NKAIN2: variants seen among roughly 807,000 people sequenced by gnomAD.
NKAIN2 encodes sodium/potassium transporting ATPase interacting 2.
In NKAIN2, 14 loss-of-function variants were observed where a neutral mutation model predicts 32.6. The ratio of observed to expected loss-of-function variants is 0.43; its 90% CI spans 0.28 to 0.67. NKAIN2 has a LOEUF of 0.67. Ranked by LOEUF, NKAIN2 falls within the 30% of genes least tolerant of loss-of-function variation. NKAIN2 has a pLI of 0.17. For missense variants in NKAIN2, 198 were observed against 258.3 expected (o/e 0.77, Z 1.60); for synonymous variants, 80 against 87.2 (o/e 0.92, Z 0.46).
intron 1 of NKAIN2, among the ~76,000 whole-genome samples, chr6:124,029,572 T>C (rs540585713): frequency 1.2e-3 from 188 of 152,246 alleles, no homozygotes; most frequent in African/African-American, 4.5e-3. Context: ...GTTTATTACT[T>C]TTAAGCCTAA....
intron 1 of NKAIN2, among the ~76,000 whole-genome samples, chr6:123,972,914 A>G (rs748971752): frequency 6.6e-6 from 1 of 152,094 alleles, no homozygotes; most frequent in Non-Finnish European, 1.5e-5. Flanking sequence ...TGCCTGATAC[A>G]TAGTAAAAAC....
At chr6:124,618,920 T>C (rs1055574843) in intron 3 of NKAIN2, among the ~76,000 whole-genome samples, 8 of 152,172 alleles carry the variant, frequency 5.3e-5, no homozygotes, top group Non-Finnish European at 1.0e-4. Flanking sequence ...ATTAACATGA[T>C]AATCCTCTTC....
intron 1 of NKAIN2, among the ~76,000 whole-genome samples, chr6:124,168,318 C>T (rs2114487309): frequency 6.6e-6 from 1 of 152,030 alleles, no homozygotes; most frequent in Non-Finnish European, 1.5e-5. Flanking sequence ...TTTAAGTTTC[C>T]AAAAATGATT....
At chr6:124,693,599 G>C (rs553382072) in intron 4 of NKAIN2, among the ~76,000 whole-genome samples, 1 of 152,316 alleles carries the variant, frequency 6.6e-6, no homozygotes, top group African/African-American at 2.4e-5. Flanking sequence ...TGGAAGATGA[G>C]AGAAGGCAAG....
At chr6:124,570,809 G>T (rs552135470) in intron 3 of NKAIN2, among the ~76,000 whole-genome samples, 2 of 152,276 alleles carry the variant, frequency 1.3e-5, no homozygotes, top group East Asian at 3.9e-4. Context: ...GGAACTGTGA[G>T]AAGAGGGCCA....
At chr6:124,440,066 C>T (rs563141172) in intron 3 of NKAIN2, among the ~76,000 whole-genome samples, 30 of 152,056 alleles carry the variant, frequency 2.0e-4, no homozygotes, top group Non-Finnish European at 4.0e-4. Context: ...TTGAATTGGA[C>T]AAGAAGTCTA....
chr6:124,489,543 A>C (rs1020298119), intron 3 of NKAIN2, among the ~76,000 whole-genome samples: 2 of 151,830 alleles, frequency 1.3e-5, no homozygotes, highest in Non-Finnish European at 2.9e-5. Flanking sequence ...TGCTCAAAAC[A>C]CTTATATCAG....
At chr6:124,590,966 T>C (rs1473730576) in intron 3 of NKAIN2, among the ~76,000 whole-genome samples, 2 of 152,196 alleles carry the variant, frequency 1.3e-5, no homozygotes, top group East Asian at 1.9e-4. Flanking sequence ...TTCTCCCTTC[T>C]ATGAGAGAGA....
chr6:124,501,592 T>C (rs1340592856), intron 3 of NKAIN2, among the ~76,000 whole-genome samples: 1 of 152,202 alleles, frequency 6.6e-6, no homozygotes, highest in Non-Finnish European at 1.5e-5. Flanking sequence ...TTTTCTACAC[T>C]GCAGTTAGAG....
intron 3 of NKAIN2, among the ~76,000 whole-genome samples, chr6:124,364,433 A>G (rs1198295765): frequency 6.6e-6 from 1 of 152,046 alleles, no homozygotes; most frequent in Non-Finnish European, 1.5e-5. Context: ...TCATATTTCA[A>G]GTGTAATCGA....
intron 1 of NKAIN2, among the ~76,000 whole-genome samples, chr6:124,124,615 A>T (rs1356307109): frequency 6.6e-6 from 1 of 152,200 alleles, no homozygotes; most frequent in African/African-American, 2.4e-5. Context: ...TACATATAGG[A>T]TCATTTCTCA....
chr6:124,209,459 A>G (rs951705299), intron 1 of NKAIN2, among the ~76,000 whole-genome samples: 1 of 151,856 alleles, frequency 6.6e-6, no homozygotes, highest in Non-Finnish European at 1.5e-5. Flanking sequence ...TCTTTGGGAT[A>G]TATACTCAGC....
chr6:124,821,866 G>A (rs117221193), intron 6 of NKAIN2, among the ~76,000 whole-genome samples: 2,663 of 152,228 alleles, frequency 0.017, 35 homozygotes, highest in Non-Finnish European at 0.029. Context: ...TTTTACAGAC[G>A]AGGAAACTCA....
chr6:124,699,831 GACTAAT>G (rs1316803731), intron 4 of NKAIN2, among the ~76,000 whole-genome samples: 1 of 152,086 alleles, frequency 6.6e-6, no homozygotes, highest in African/African-American at 2.4e-5. Flanking sequence ...TGCAAAAACG[GACTAAT>G]ACACCTTGGA....
intron 3 of NKAIN2, among the ~76,000 whole-genome samples, chr6:124,532,804 C>T (rs1258887961): frequency 6.6e-6 from 1 of 152,168 alleles, no homozygotes; most frequent in South Asian, 2.1e-4. Flanking sequence ...TTCCAACGTC[C>T]TCTTTGTTTT....
chr6:124,427,032 G>T (rs1583234802), intron 3 of NKAIN2, among the ~76,000 whole-genome samples: 1 of 152,050 alleles, frequency 6.6e-6, no homozygotes. Flanking sequence ...GCCTGGAAAT[G>T]GACTAATACA....
At chr6:123,905,192 A>G (rs949264271) in intron 1 of NKAIN2, among the ~76,000 whole-genome samples, 1 of 152,106 alleles carries the variant, frequency 6.6e-6, no homozygotes, top group South Asian at 2.1e-4. Flanking sequence ...GGCAGAAGAC[A>G]TGATACTCCT....
chr6:123,879,290 T>TTA lies in NKAIN2; in HGVS notation c.54+75038_54+75039dup, dbSNP rs144748935. On this transcript the variant is annotated intron_variant, in intron 1 of 6. Transcript: ENST00000368417. ...ATGTCTGCTGCTCAGATGTGTCTAT[T>TTA]TATGTAGTATGGTTATCTTGTCTCC... 7.9e-3 allele frequency among the ~76,000 whole-genome samples: 1,196 copies of TTA among 152,270 alleles called. 10 individuals are homozygous for TTA. The highest frequency in any genetic ancestry group is 0.027 in the African/African-American group (1,118 of 41,542).
At chr6:124,150,292 T>A (rs1283216057) in intron 1 of NKAIN2, among the ~76,000 whole-genome samples, 1 of 152,140 alleles carries the variant, frequency 6.6e-6, no homozygotes, top group Non-Finnish European at 1.5e-5. Flanking sequence ...TTGTGAAAGT[T>A]TTTGGTTAAA....
Sources: gnomAD v4.1 joint callset for allele counts (sites outside exome capture counted in the v4.1 genomes callset) on GRCh38, gnomAD v4.1.1 for gene constraint, MANE v1.5 for transcripts, NCBI Gene and HGNC (gene_info 2026-07-23, HGNC 2026-07-21) for gene names.